The following NGLY1 variants were observed in gnomAD, a reference collection of about 807,000 sequenced individuals.
The protein encoded by NGLY1 is peptide-N(4)-(N-acetyl-beta-glucosaminyl)asparagine amidase.
NGLY1 carries 68 observed loss-of-function variants against 84.6 expected under a neutral mutation model. The ratio of observed to expected loss-of-function variants is 0.80; its 90% CI spans 0.66 to 0.98. NGLY1 has a LOEUF of 0.98. Among genes scored for constraint, NGLY1 ranks in the 50% least tolerant of loss-of-function variants. The pLI, the probability that NGLY1 is intolerant of heterozygous loss-of-function variation, is 0.00. For synonymous variants in NGLY1, 280 were observed against 275.2 expected (o/e 1.02, Z -0.17); for missense variants, 779 against 770.2 (o/e 1.01, Z -0.14).
At chr3:25,721,825 C>T (rs993306851) in intron 10 of NGLY1, among the ~76,000 whole-genome samples, 14 of 151,166 alleles carry the variant, frequency 9.3e-5, no homozygotes, top group African/African-American at 3.4e-4. Flanking sequence ...TGCCAATGCT[C>T]CTTTTTATTT....
In NGLY1 at chr3:25,751,237, T is replaced by C. The variant is rs1197877731; in HGVS notation, c.519A>G (p.Glu173=). 3.1e-6 allele frequency: 5 copies of C among 1,590,624 alleles called. No homozygotes were observed. The highest frequency in any genetic ancestry group is 4.3e-6 in the Non-Finnish European group (5 of 1,169,670). The change falls in exon 4 of 12, where the codon GAA becomes GAG. Residue 173 remains glutamate (E), a synonymous_variant. Coordinates refer to ENST00000280700, the MANE Select transcript of NGLY1 (RefSeq NM_018297.4). ...STVAADSAIL[E]VLQSNIQHVL... ...CATGCTGAATGTTGGACTGAAGAAC[T>C]TCTAGAATGGCTGAGTCAGCAGCAA...
At chr3:25,767,867 C>T (rs1220924814) in intron 2 of NGLY1, among the ~76,000 whole-genome samples, 1 of 151,756 alleles carries the variant, frequency 6.6e-6, no homozygotes, top group Non-Finnish European at 1.5e-5. Context: ...AATCCCAGCA[C>T]TTTGGGGGGC....
intron 2 of NGLY1, among the ~76,000 whole-genome samples, chr3:25,772,336 G>A (rs570854394): frequency 1.5e-4 from 23 of 152,210 alleles, no homozygotes; most frequent in Admixed American, 1.4e-3. Context: ...CCAGTGTTAG[G>A]TGCATACATA....
chr3:25,762,993 T>C (rs1420300883), intron 3 of NGLY1, among the ~76,000 whole-genome samples: 1 of 151,788 alleles, frequency 6.6e-6, no homozygotes, highest in Non-Finnish European at 1.5e-5. Flanking sequence ...GGAGAGATGG[T>C]GCATGCCTTT....
chr3:25,763,332 A>C (rs536038927), intron 3 of NGLY1, among the ~76,000 whole-genome samples: 1 of 152,344 alleles, frequency 6.6e-6, no homozygotes, highest in African/African-American at 2.4e-5. Context: ...AAAGTAGGAA[A>C]TCTTAAAAGA....
intron 9 of NGLY1, among the ~76,000 whole-genome samples, chr3:25,731,597 T>C (rs1705537767): frequency 6.6e-6 from 1 of 152,066 alleles, no homozygotes; most frequent in African/African-American, 2.4e-5. Flanking sequence ...CTCCTAGGTA[T>C]ACATCCAACA....
At position 25,737,542 on chromosome 3, in the gene NGLY1, T is replaced by A. The variant is rs1705900277; in HGVS notation, c.882-87A>T. The A allele has an allele frequency of 4.0e-6, 5 of 1,247,140 alleles. No individual in the cohort carries two copies. The South Asian group carries it at 8.0e-5, about 20-fold the overall frequency. The allele number at this position is 1,247,140 out of a possible 1,614,324, so 77.3% of individuals were successfully genotyped here. On this transcript the variant is annotated intron_variant, in intron 5 of 11. Coordinates refer to ENST00000280700, the MANE Select transcript of NGLY1 (RefSeq NM_018297.4). ...TACCTCTATGCTAAACAGAAATGTT[T>A]AATTTTTTTTTTTTTTTTGAGACGG...
intron 10 of NGLY1, among the ~76,000 whole-genome samples, chr3:25,721,690 A>C (rs1383531579): frequency 1.5e-5 from 2 of 129,564 alleles, no homozygotes; most frequent in Non-Finnish European, 3.1e-5. Context: ...CGGAGCTTGC[A>C]GTGAGCCGAG....
chr3:25,785,199 C>T (rs973515201), upstream of NGLY1, among the ~76,000 whole-genome samples: 5 of 144,148 alleles, frequency 3.5e-5, no homozygotes, highest in African/African-American at 1.3e-4. Flanking sequence ...AGAAATGACA[C>T]ACAGCATTTT....
At chr3:25,746,221 T>C (rs1193867210) in intron 4 of NGLY1, among the ~76,000 whole-genome samples, 1 of 152,144 alleles carries the variant, frequency 6.6e-6, no homozygotes, top group Non-Finnish European at 1.5e-5. Context: ...TGCATGTTGA[T>C]CACTACACTT....
chr3:25,778,508 T>A, intron 2 of NGLY1, 66 bp downstream of exon 2: 1 of 813,918 alleles, frequency 1.2e-6, no homozygotes, highest in Non-Finnish European at 1.9e-6. Context: ...CAAACAATTA[T>A]TCACCAACAT....
intron 2 of NGLY1, among the ~76,000 whole-genome samples, chr3:25,776,175 T>C (rs1408255431): frequency 1.3e-5 from 2 of 152,230 alleles, no homozygotes; most frequent in Non-Finnish European, 2.9e-5. Context: ...TGGCCTGTTA[T>C]TTGGCACTGC....
At chr3:25,762,122 T>TAC (rs1707348089) in intron 3 of NGLY1, among the ~76,000 whole-genome samples, 1 of 151,994 alleles carries the variant, frequency 6.6e-6, no homozygotes, top group Non-Finnish European at 1.5e-5. Flanking sequence ...TCTTAACTTA[T>TAC]ACATCGACAT....
intron 4 of NGLY1, among the ~76,000 whole-genome samples, chr3:25,745,386 T>C (rs1035719156): frequency 6.6e-6 from 1 of 152,228 alleles, no homozygotes; most frequent in Non-Finnish European, 1.5e-5. Flanking sequence ...GCTTTACCTA[T>C]CATCCTGAAG....
At chr3:25,747,130 T>C (rs1706476704) in intron 4 of NGLY1, among the ~76,000 whole-genome samples, 1 of 152,250 alleles carries the variant, frequency 6.6e-6, no homozygotes, top group African/African-American at 2.4e-5. Context: ...TTGATCTGTA[T>C]ATTTGAATTC....
In NGLY1 at chr3:25,719,597, T is replaced by C; in HGVS notation, c.1828A>G (p.Thr610Ala). ...LHSYADFSGA[T>A]EVILEAELSR... The stretch of plus-strand genomic sequence containing the variant: ...AATTCTGCTTCCAAAATAACTTCAG[T>C]GGCACCAGAAAAATCAGCATAGGAG... The change falls in exon 12 of 12, where the codon ACT becomes GCT. Residue 610 changes from threonine (T) to alanine (A), a missense_variant. By Grantham distance (58) the Thr-to-Ala change is moderately conservative (BLOSUM62 0). Coordinates refer to ENST00000280700, the MANE Select transcript of NGLY1 (RefSeq NM_018297.4). 1.9e-6 allele frequency: 3 copies of C among 1,613,878 alleles called. No individual in the cohort carries two copies. The highest frequency in any genetic ancestry group is 2.5e-6 in the Non-Finnish European group (3 of 1,179,886).
intron 9 of NGLY1, among the ~76,000 whole-genome samples, chr3:25,731,752 T>C (rs946750026): frequency 5.3e-5 from 8 of 152,078 alleles, no homozygotes; most frequent in Non-Finnish European, 8.8e-5. Flanking sequence ...AATGAGAACA[T>C]ACCATACACG....
At chr3:25,721,873 C>A (rs750124896) in intron 10 of NGLY1, among the ~76,000 whole-genome samples, 16 of 151,488 alleles carry the variant, frequency 1.1e-4, no homozygotes, top group Non-Finnish European at 2.4e-4. Context: ...CATACTCTGA[C>A]CTATCTTCAT....
rs2125441732 is a variant in NGLY1 at position 25,719,619 on chromosome 3, G to A, written c.1806C>T (p.Ser602=). Residue 602 remains serine, a synonymous_variant, in exon 12 of 12, where the codon TCC becomes TCT. Transcript: ENST00000280700. ...CAGTGGCACCAGAAAAATCAGCATA[G>A]GAGTGAAGACTGTTATCTGTTAGAG... ...VELTGDNSLH[S]YADFSGATEV... is the part of the protein sequence containing the mutation. The A allele has an allele frequency of 1.2e-6, 2 of 1,613,118 alleles. No individual in the cohort carries two copies. Among genetic ancestry groups the A allele is most frequent in the Non-Finnish European group, 1.7e-6 (2 of 1,179,466 alleles).
Sources: gnomAD v4.1 joint callset for allele counts (sites outside exome capture counted in the v4.1 genomes callset) on GRCh38, gnomAD v4.1.1 for gene constraint, MANE v1.5 for transcripts, NCBI Gene and HGNC (gene_info 2026-07-23, HGNC 2026-07-21) for gene names.